CNTN4: variants seen among roughly 807,000 people sequenced by gnomAD.
The protein encoded by CNTN4 is contactin 4, also known as contactin-4.
Under a neutral mutation model 122.5 loss-of-function variants are expected in CNTN4, and 77 were observed. That is an observed-to-expected ratio of 0.63 (90% confidence interval 0.52 to 0.76). The LOEUF (loss-of-function observed/expected upper bound fraction) is 0.76, where lower values mean the gene tolerates loss of function less well. Among genes scored for constraint, CNTN4 ranks in the 30% least tolerant of loss-of-function variants. The probability of loss-of-function intolerance (pLI) is 0.00; values close to 1 mark genes in which losing one functional copy is unlikely to be tolerated. For synonymous variants in CNTN4, 512 were observed against 447.0 expected (o/e 1.15, Z -1.83); for missense variants, 1,256 against 1,259.1 (o/e 1.00, Z 0.04).
chr3:2,167,034 T>C (rs2036225676), intron 2 of CNTN4, among the ~76,000 whole-genome samples: 1 of 152,038 alleles, frequency 6.6e-6, no homozygotes, highest in East Asian at 1.9e-4. Flanking sequence ...CAAAATATTA[T>C]GTTGTGTACA....
intron 13 of CNTN4, among the ~76,000 whole-genome samples, chr3:2,935,859 C>T (rs1299567776): frequency 6.6e-6 from 1 of 152,068 alleles, no homozygotes; most frequent in Non-Finnish European, 1.5e-5. Flanking sequence ...CACTAATGTT[C>T]TTGTATGAAA....
At chr3:2,352,581 G>A (rs369592314) in intron 3 of CNTN4, among the ~76,000 whole-genome samples, 3 of 152,270 alleles carry the variant, frequency 2.0e-5, no homozygotes, top group Admixed American at 6.5e-5. Context: ...GTGCCAGCCC[G>A]CCAGTGCTGT....
intron 3 of CNTN4, among the ~76,000 whole-genome samples, chr3:2,515,106 G>A (rs73114226): frequency 1.5e-4 from 23 of 151,934 alleles, no homozygotes; most frequent in Non-Finnish European, 3.1e-4. Context: ...ACCTGTTTGC[G>A]GCTTTCTCTT....
intron 13 of CNTN4, among the ~76,000 whole-genome samples, chr3:2,953,384 C>T (rs925361949): frequency 2.0e-5 from 3 of 152,046 alleles, no homozygotes; most frequent in Admixed American, 1.3e-4. Flanking sequence ...TCGCTCCTCC[C>T]TCTGAAATCC....
At chr3:2,292,944 T>C (rs1381330005) in intron 2 of CNTN4, among the ~76,000 whole-genome samples, 36 of 152,244 alleles carry the variant, frequency 2.4e-4, no homozygotes, top group Non-Finnish European at 1.5e-5. Flanking sequence ...AGGTTAAGTA[T>C]ATGCACATAT....
intron 13 of CNTN4, among the ~76,000 whole-genome samples, chr3:2,981,286 T>TACAACA (rs1401003949): frequency 3.3e-5 from 5 of 151,406 alleles, no homozygotes; most frequent in Non-Finnish European, 7.4e-5. Context: ...CTACTAAAAA[T>TACAACA]ACAAAAAATT....
chr3:2,807,992 C>T (rs1046743919), intron 6 of CNTN4, among the ~76,000 whole-genome samples: 4 of 152,114 alleles, frequency 2.6e-5, no homozygotes, highest in Non-Finnish European at 5.9e-5. Context: ...TGAGAAACTG[C>T]GCCTCTTTCC....
intron 3 of CNTN4, among the ~76,000 whole-genome samples, chr3:2,376,666 G>A (rs1229146204): frequency 7.1e-6 from 1 of 140,932 alleles, no homozygotes; most frequent in African/African-American, 2.7e-5. Flanking sequence ...GTATAATTTT[G>A]TGGAGTTGGG....
intron 2 of CNTN4, among the ~76,000 whole-genome samples, chr3:2,209,155 A>G (rs1162670530): frequency 6.6e-6 from 1 of 152,156 alleles, no homozygotes; most frequent in Non-Finnish European, 1.5e-5. Flanking sequence ...GCTGAATACA[A>G]ATGTATCCTT....
intron 14 of CNTN4, 140 bp from the exon 15 acceptor site, chr3:3,025,962 G>A (rs746661432): frequency 1.4e-5 from 11 of 786,568 alleles, no homozygotes; most frequent in Admixed American, 6.1e-5. Context: ...CCAGATGACT[G>A]AGGTTTGCTG....
chr3:2,881,081 C>T (rs1365695052), intron 8 of CNTN4, among the ~76,000 whole-genome samples: 3 of 152,172 alleles, frequency 2.0e-5, no homozygotes, highest in East Asian at 1.9e-4. Flanking sequence ...CTATTATGTT[C>T]GAGTTTGCAC....
At chr3:2,910,764 G>A (rs988206129) in intron 12 of CNTN4, among the ~76,000 whole-genome samples, 1 of 152,120 alleles carries the variant, frequency 6.6e-6, no homozygotes, top group African/African-American at 2.4e-5. Flanking sequence ...TTGCATTTGG[G>A]GAGCCTAATC....
At chr3:3,038,721 G>A (rs1246666315) in intron 18 of CNTN4, among the ~76,000 whole-genome samples, 2 of 152,166 alleles carry the variant, frequency 1.3e-5, no homozygotes, top group Non-Finnish European at 2.9e-5. Flanking sequence ...TTGTTGAATG[G>A]GAAACAGGTA....
intron 3 of CNTN4, among the ~76,000 whole-genome samples, chr3:2,425,953 T>A (rs2047813068): frequency 6.6e-6 from 1 of 152,208 alleles, no homozygotes; most frequent in African/African-American, 2.4e-5. Flanking sequence ...CTTATCAGCT[T>A]AGGGAGATTT....
chr3:2,537,740 G>A (rs569418239), intron 3 of CNTN4, among the ~76,000 whole-genome samples: 4 of 152,072 alleles, frequency 2.6e-5, no homozygotes, highest in East Asian at 3.9e-4. Flanking sequence ...CTAAAAAATC[G>A]CTATTCATGC....
intron 3 of CNTN4, among the ~76,000 whole-genome samples, chr3:2,413,312 A>C (rs2047295154): frequency 6.6e-6 from 1 of 152,348 alleles, no homozygotes; most frequent in African/African-American, 2.4e-5. Context: ...AATCATTCTC[A>C]ATCACTTATT....
intron 4 of CNTN4, among the ~76,000 whole-genome samples, chr3:2,680,201 A>G (rs895509589): frequency 7.9e-5 from 12 of 152,324 alleles, no homozygotes; most frequent in African/African-American, 2.9e-4. Flanking sequence ...TAATAGATAC[A>G]TGAACCCATC....
intron 4 of CNTN4, among the ~76,000 whole-genome samples, chr3:2,722,991 G>A (rs2087959785): frequency 6.6e-6 from 1 of 152,080 alleles, no homozygotes; most frequent in Non-Finnish European, 1.5e-5. Flanking sequence ...TCTATTGAAG[G>A]GAAATGGACT....
At chr3:2,796,374 T>C (rs536625642) in intron 6 of CNTN4, among the ~76,000 whole-genome samples, 2 of 152,210 alleles carry the variant, frequency 1.3e-5, no homozygotes, top group East Asian at 3.9e-4. Context: ...TTGAAGTTTT[T>C]TAAAGGCAAG....
Sources: gnomAD v4.1 joint callset for allele counts (sites outside exome capture counted in the v4.1 genomes callset) on GRCh38, gnomAD v4.1.1 for gene constraint, MANE v1.5 for transcripts, NCBI Gene and HGNC (gene_info 2026-07-23, HGNC 2026-07-21) for gene names.